The following FAM13A variants were observed in gnomAD, a reference collection of about 807,000 sequenced individuals.
FAM13A encodes the protein family with sequence similarity 13 member A.
In FAM13A, 76 loss-of-function variants were observed where a neutral mutation model predicts 129.6. That is an observed-to-expected ratio of 0.59 (90% CI 0.49 to 0.71). The LOEUF (loss-of-function observed/expected upper bound fraction) is 0.71, where lower values mean the gene tolerates loss of function less well. Among genes scored for constraint, FAM13A ranks in the 30% least tolerant of loss-of-function variants. The probability of loss-of-function intolerance (pLI) is 0.00; values close to 1 mark genes in which losing one functional copy is unlikely to be tolerated. For missense variants in FAM13A, 1,108 were observed against 1,249.3 expected, an observed-to-expected ratio of 0.89 and a Z score of 1.70; for synonymous variants, 443 against 449.9, an observed-to-expected ratio of 0.98 and a Z score of 0.20.
chr4:88,781,676 A>G (rs1424848653), intron 10 of FAM13A, among the ~76,000 whole-genome samples: 1 of 152,090 alleles, frequency 6.6e-6, no homozygotes, highest in Non-Finnish European at 1.5e-5. Flanking sequence ...TATTCACAGT[A>G]GATGTTTAAA....
chr4:88,777,358 G>GCTTC (rs556701263), intron 11 of FAM13A, among the ~76,000 whole-genome samples: 4 of 152,160 alleles, frequency 2.6e-5, no homozygotes, highest in South Asian at 4.1e-4. Flanking sequence ...GTGAAGTGAG[G>GCTTC]GAAGTTGAAA....
At chr4:88,972,226 T>C (rs1760193903) in intron 4 of FAM13A, among the ~76,000 whole-genome samples, 1 of 152,096 alleles carries the variant, frequency 6.6e-6, no homozygotes, top group Admixed American at 6.5e-5. Flanking sequence ...TTAACATTTC[T>C]TGCAAAGCAG....
chr4:88,923,598 A>G (rs1218388475), intron 5 of FAM13A, among the ~76,000 whole-genome samples: 1 of 152,228 alleles, frequency 6.6e-6, no homozygotes, highest in Non-Finnish European at 1.5e-5. Context: ...CCAATATCAT[A>G]CTGAATGGGC....
chr4:88,920,043 G>A (rs894603129), intron 5 of FAM13A, among the ~76,000 whole-genome samples: 15 of 152,238 alleles, frequency 9.9e-5, no homozygotes, highest in South Asian at 2.1e-4. Context: ...CAAAGCAGCC[G>A]GAAAGCTCGA....
At chr4:88,736,629 G>A (rs1739039293) in intron 21 of FAM13A, 1 of 152,040 alleles carries the variant, frequency 6.6e-6, no homozygotes, top group Admixed American at 6.6e-5. Context: ...TTCTGTATAA[G>A]GCAGTCCAGT....
At chr4:88,959,464 C>A (rs1758288232) in intron 4 of FAM13A, among the ~76,000 whole-genome samples, 1 of 152,180 alleles carries the variant, frequency 6.6e-6, no homozygotes, top group Non-Finnish European at 1.5e-5. Flanking sequence ...AAGGACGTGG[C>A]ATCTCCTTGC....
intron 4 of FAM13A, among the ~76,000 whole-genome samples, chr4:88,977,594 C>T (rs958481083): frequency 6.6e-6 from 1 of 152,172 alleles, no homozygotes; most frequent in African/African-American, 2.4e-5. Context: ...AATTACAATG[C>T]ATATTTTTCA....
At chr4:88,998,531 C>A (rs1163390648) in intron 3 of FAM13A, among the ~76,000 whole-genome samples, 1 of 152,130 alleles carries the variant, frequency 6.6e-6, no homozygotes, top group African/African-American at 2.4e-5. Flanking sequence ...ATAAACAAAT[C>A]TGTTGTGTAG....
chr4:89,027,383 C>T (rs1477815499), intron 2 of FAM13A, among the ~76,000 whole-genome samples: 1 of 151,948 alleles, frequency 6.6e-6, no homozygotes, highest in Non-Finnish European at 1.5e-5. Context: ...TGCCACATGC[C>T]TGTATAATGC....
intron 6 of FAM13A, among the ~76,000 whole-genome samples, chr4:88,890,334 T>G (rs1050853746): frequency 4.2e-4 from 64 of 152,294 alleles, no homozygotes; most frequent in Non-Finnish European, 2.1e-4. Context: ...ACCCAGTCTC[T>G]TAGGAAGCTG....
intron 3 of FAM13A, among the ~76,000 whole-genome samples, chr4:88,998,690 T>A (rs28712360): frequency 6.6e-6 from 1 of 152,108 alleles, no homozygotes; most frequent in Non-Finnish European, 1.5e-5. Flanking sequence ...ACATGAATTA[T>A]ATTTCTTTCT....
At chr4:88,877,796 AGT>A (rs1406728605) in intron 6 of FAM13A, among the ~76,000 whole-genome samples, 1 of 152,212 alleles carries the variant, frequency 6.6e-6, no homozygotes, top group African/African-American at 2.4e-5. Context: ...CAAAGTCCTC[AGT>A]CTACCTCAAC....
chr4:88,741,179 T>C (rs1740171198), intron 19 of FAM13A, among the ~76,000 whole-genome samples: 1 of 152,152 alleles, frequency 6.6e-6, no homozygotes, highest in African/African-American at 2.4e-5. Flanking sequence ...CTTAAGTTCA[T>C]CAAAAGACAT....
At chr4:88,992,730 T>A (rs186057189) in intron 3 of FAM13A, among the ~76,000 whole-genome samples, 1 of 152,280 alleles carries the variant, frequency 6.6e-6, no homozygotes, top group African/African-American at 2.4e-5. Context: ...TATAGTAAAA[T>A]TGCTAAGTTT....
chr4:88,979,616 A>G (rs985246563), intron 4 of FAM13A, among the ~76,000 whole-genome samples: 3 of 152,224 alleles, frequency 2.0e-5, no homozygotes, highest in African/African-American at 7.2e-5. Flanking sequence ...CAAAGCATCT[A>G]TAACATTACC....
At chr4:88,921,707 C>T (rs1474073614) in intron 5 of FAM13A, among the ~76,000 whole-genome samples, 2 of 152,130 alleles carry the variant, frequency 1.3e-5, no homozygotes, top group Non-Finnish European at 2.9e-5. Flanking sequence ...ACAATATTAA[C>T]TTTAAATGTA....
intron 1 of FAM13A, among the ~76,000 whole-genome samples, chr4:89,032,020 C>A (rs1042707106): frequency 2.6e-5 from 4 of 151,894 alleles, no homozygotes; most frequent in African/African-American, 9.7e-5. Flanking sequence ...GAGATCGAGA[C>A]CATCCTGGCC....
At chr4:88,882,071 G>A (rs767941324) in intron 6 of FAM13A, among the ~76,000 whole-genome samples, 25 of 152,144 alleles carry the variant, frequency 1.6e-4, no homozygotes, top group Non-Finnish European at 2.8e-4. Context: ...GGGAATAACC[G>A]AGGAAAACTT....
intron 7 of FAM13A, among the ~76,000 whole-genome samples, chr4:88,814,466 G>C (rs1730292183): frequency 6.6e-6 from 1 of 152,156 alleles, no homozygotes; most frequent in African/African-American, 2.4e-5. Flanking sequence ...GGCAATTGAG[G>C]GAGTTCAGCA....
Sources: allele counts gnomAD v4.1 joint callset (sites outside exome capture counted in the v4.1 genomes callset), GRCh38; gene constraint gnomAD v4.1.1; transcripts MANE v1.5; gene names NCBI Gene and HGNC (gene_info 2026-07-23, HGNC 2026-07-21).